NRXN1: variants seen among roughly 807,000 people sequenced by gnomAD.
NRXN1 encodes neurexin 1, also known as neurexin-1.
Under a neutral mutation model 150.9 loss-of-function variants are expected in NRXN1, and 39 were observed. The observed-to-expected ratio is 0.26, with a 90% CI of 0.20 to 0.34. NRXN1 has a LOEUF of 0.34. NRXN1 is among the 10% of genes least tolerant of loss of function. The pLI is 1.00. For synonymous variants in NRXN1, 924 were observed against 757.0 expected (o/e 1.22, Z -3.62); for missense variants, 1,815 against 1,949.9 (o/e 0.93, Z 1.30).
intron 2 of NRXN1, among the ~76,000 whole-genome samples, chr2:50,940,559 T>C (rs760132774): frequency 2.0e-5 from 3 of 152,022 alleles, no homozygotes; most frequent in Non-Finnish European, 4.4e-5. Flanking sequence ...GGTCACAAGT[T>C]TGAATACAAC....
chr2:50,473,597 C>G (rs2089720168), intron 15 of NRXN1, among the ~76,000 whole-genome samples: 1 of 151,916 alleles, frequency 6.6e-6, no homozygotes, highest in East Asian at 1.9e-4. Context: ...TTCATTTGAA[C>G]TTTCTTTCTC....
chr2:50,575,889 C>T (rs1206483673), intron 8 of NRXN1, among the ~76,000 whole-genome samples: 1 of 152,196 alleles, frequency 6.6e-6, no homozygotes, highest in Non-Finnish European at 1.5e-5. Flanking sequence ...ATTGCCCTCT[C>T]TCGTAACCAG....
intron 18 of NRXN1, among the ~76,000 whole-genome samples, chr2:50,142,124 TA>T (rs1437310312): frequency 6.6e-6 from 1 of 151,984 alleles, no homozygotes; most frequent in African/African-American, 2.4e-5. Context: ...TCTTGGGTCA[TA>T]AAAAAGAATC....
At chr2:50,542,232 G>A (rs1297688256) in intron 9 of NRXN1, among the ~76,000 whole-genome samples, 2 of 152,136 alleles carry the variant, frequency 1.3e-5, no homozygotes, top group Non-Finnish European at 2.9e-5. Context: ...GGTGAGCCGA[G>A]ATCACGCCAT....
chr2:50,811,224 T>C (rs909829012), intron 5 of NRXN1, among the ~76,000 whole-genome samples: 3 of 152,174 alleles, frequency 2.0e-5, no homozygotes, highest in African/African-American at 7.2e-5. Flanking sequence ...CCTTGAAACA[T>C]CCCTGTGACT....
At chr2:50,067,349 T>C (rs1033399399) in intron 19 of NRXN1, among the ~76,000 whole-genome samples, 1 of 152,200 alleles carries the variant, frequency 6.6e-6, no homozygotes, top group African/African-American at 2.4e-5. Context: ...CATTCAAAAA[T>C]TTTGGTTTGG....
intron 17 of NRXN1, among the ~76,000 whole-genome samples, chr2:50,254,380 A>AT (rs1462164572): frequency 6.7e-6 from 1 of 148,630 alleles, no homozygotes; most frequent in Non-Finnish European, 1.5e-5. Flanking sequence ...GGATTCATTG[A>AT]TTTTTTGAAG....
At chr2:50,485,797 C>G (rs1406619068) in intron 15 of NRXN1, among the ~76,000 whole-genome samples, 1 of 152,154 alleles carries the variant, frequency 6.6e-6, no homozygotes, top group East Asian at 1.9e-4. Context: ...AAGAATGCAC[C>G]AGGAGAGGAG....
chr2:50,139,970 C>T (rs904053425), intron 18 of NRXN1, among the ~76,000 whole-genome samples: 3 of 151,970 alleles, frequency 2.0e-5, no homozygotes, highest in African/African-American at 4.8e-5. Flanking sequence ...AAGACTGATA[C>T]ATTCTTTCAC....
At chr2:50,012,808 T>C (rs920221038) in intron 21 of NRXN1, among the ~76,000 whole-genome samples, 3 of 152,174 alleles carry the variant, frequency 2.0e-5, no homozygotes, top group African/African-American at 7.2e-5. Flanking sequence ...AAGTCCATTT[T>C]TTTTATAATG....
chr2:50,868,449 G>C (rs937052642), intron 5 of NRXN1, among the ~76,000 whole-genome samples: 3 of 151,002 alleles, frequency 2.0e-5, no homozygotes, highest in African/African-American at 7.3e-5. Context: ...TACTTAAATG[G>C]GTACAGTGTA....
At chr2:50,993,188 G>A (rs1475474904) in intron 2 of NRXN1, among the ~76,000 whole-genome samples, 1 of 151,916 alleles carries the variant, frequency 6.6e-6, no homozygotes, top group Non-Finnish European at 1.5e-5. Context: ...TATTGTCTAT[G>A]AGAGAAGGTA....
In NRXN1 at chr2:49,926,150, T is replaced by C. The variant is rs57697566; in HGVS notation, c.4217-3899A>G. On this transcript the variant is annotated intron_variant, in intron 22 of 22. Coordinates refer to ENST00000401669, the MANE Select transcript of NRXN1 (RefSeq NM_001330078.2). The stretch of plus-strand genomic sequence containing the variant: ...AAATGATTTGGAAGCTAATGATTAT[T>C]CTAGCAAGGAAATAGAGCAGTACAA... The C allele has an allele frequency of 1.3e-5, 5 of 390,124 alleles. No individual in the cohort carries two copies. In the South Asian group the frequency reaches 5.8e-4, roughly 45 times the overall value. 24.2% of individuals were successfully genotyped at this position (390,124 alleles called of 1,614,324 possible).
intron 19 of NRXN1, among the ~76,000 whole-genome samples, chr2:50,081,952 T>C (rs1036946661): frequency 3.3e-5 from 5 of 152,154 alleles, no homozygotes; most frequent in Admixed American, 6.5e-5. Flanking sequence ...TTTTAGGTAA[T>C]AGTCAAATTA....
chr2:50,446,175 G>C (rs1384339742), intron 17 of NRXN1, among the ~76,000 whole-genome samples: 1 of 151,992 alleles, frequency 6.6e-6, no homozygotes, highest in Admixed American at 6.6e-5. Context: ...CATAGTTGCA[G>C]AAAACCGTAT....
chr2:50,559,466 G>A (rs186062699), intron 8 of NRXN1, among the ~76,000 whole-genome samples: 5 of 152,238 alleles, frequency 3.3e-5, no homozygotes, highest in African/African-American at 1.2e-4. Context: ...TGCAATTTTA[G>A]TCACTTCCCT....
At chr2:50,036,283 CT>C (rs1191964792) in intron 21 of NRXN1, among the ~76,000 whole-genome samples, 1 of 152,102 alleles carries the variant, frequency 6.6e-6, no homozygotes, top group African/African-American at 2.4e-5. Flanking sequence ...ATTCATTCTC[CT>C]TCCTGCTGCC....
chr2:50,149,990 C>A (rs966116598), intron 18 of NRXN1, among the ~76,000 whole-genome samples: 2 of 151,744 alleles, frequency 1.3e-5, no homozygotes, highest in African/African-American at 4.8e-5. Flanking sequence ...ATTCAAACCA[C>A]CCCTTGGGTT....
intron 2 of NRXN1, among the ~76,000 whole-genome samples, chr2:50,961,682 T>C (rs540896184): frequency 1.7e-3 from 261 of 151,990 alleles, no homozygotes; most frequent in Non-Finnish European, 2.9e-3. Flanking sequence ...TCAGATCAGA[T>C]ATTTTAACCA....
Sources: gnomAD v4.1 joint callset for allele counts (sites outside exome capture counted in the v4.1 genomes callset) on GRCh38, gnomAD v4.1.1 for gene constraint, MANE v1.5 for transcripts, NCBI Gene and HGNC (gene_info 2026-07-23, HGNC 2026-07-21) for gene names.